TSNAX: variants seen among roughly 807,000 people sequenced by gnomAD.
TSNAX encodes translin-associated protein X.
A neutral mutation model predicts 33.0 loss-of-function variants in TSNAX; 12 were observed. That is an observed-to-expected ratio of 0.36 (90% CI 0.23 to 0.59). TSNAX has a LOEUF of 0.59. Among genes scored for constraint, TSNAX ranks in the 20% least tolerant of loss-of-function variants. The pLI is 0.74. For missense variants in TSNAX, 267 were observed against 341.3 expected (o/e 0.78, Z 1.72); for synonymous variants, 110 against 117.2 (o/e 0.94, Z 0.40).
At position 231,542,596 on chromosome 1, in the gene TSNAX, C is replaced by T. The variant is rs757155042; in HGVS notation, c.352C>T (p.Arg118Ter). 4 of 1,613,716 alleles carry T rather than the reference C, an allele frequency of 2.5e-6. No homozygotes were observed. Among genetic ancestry groups the T allele is most frequent in the South Asian group, 1.1e-5 (1 of 91,048 alleles). ...LSGEDMHQFHRAITTGLQEYV... is the reference protein window; with the variant it reads ...LSGEDMHQFH Reference sequence around the variant, plus strand: ...AGGGGAAGATATGCATCAGTTCCATCGAGCCATTACTACAGGTAAGTCTAG... The same window carrying T: ...AGGGGAAGATATGCATCAGTTCCATTGAGCCATTACTACAGGTAAGTCTAG... Residue 118 changes from arginine (R) to a stop codon, truncating the protein, a stop_gained, in exon 4 of 6, where the codon CGA (arginine) becomes TGA (stop). Transcript: ENST00000366639. LOFTEE classifies it high-confidence loss of function.
intron 4 of TSNAX, among the ~76,000 whole-genome samples, chr1:231,560,804 C>T (rs1201644741): frequency 5.3e-5 from 8 of 151,896 alleles, no homozygotes; most frequent in South Asian, 2.1e-4. Context: ...AGATTACAGG[C>T]GCCCGCCACC....
rs2124946647 is a variant in TSNAX at position 231,561,287 on chromosome 1, A to G, written c.495+32A>G. The G allele has an allele frequency of 2.1e-6, 3 of 1,419,120 alleles. 1 individual carries two copies. Among genetic ancestry groups the G allele is most frequent in the South Asian group, 2.5e-5 (2 of 80,582 alleles). The allele number at this position is 1,419,120 out of a possible 1,614,324, so 87.9% of individuals were successfully genotyped here. A position where few individuals can be genotyped will look rare whatever the true frequency, so the allele number is the denominator to read the frequency against. On this transcript the variant is annotated intron_variant, in intron 5 of 5. Transcript: ENST00000366639. Reference sequence around the variant, plus strand: ...ATTTAAAATTTATTTCACATTTGTTATATAATTTATGTAACAGTATGACGA... The same window carrying G: ...ATTTAAAATTTATTTCACATTTGTTGTATAATTTATGTAACAGTATGACGA...
At chr1:231,545,186 A>G (rs201425567) in intron 4 of TSNAX, among the ~76,000 whole-genome samples, 6 of 152,218 alleles carry the variant, frequency 3.9e-5, no homozygotes, top group Non-Finnish European at 5.9e-5. Flanking sequence ...TTGGATTAGC[A>G]TTAACAATAT....
chr1:231,537,605 G>A (rs1034713898), intron 3 of TSNAX, among the ~76,000 whole-genome samples: 1 of 152,016 alleles, frequency 6.6e-6, no homozygotes, highest in Non-Finnish European at 1.5e-5. Flanking sequence ...GGTGGGATTG[G>A]TGGTGCATGC....
chr1:231,564,088 A>G (rs144571622), intron 5 of TSNAX, among the ~76,000 whole-genome samples: 3,009 of 152,296 alleles, frequency 0.02, 123 homozygotes, highest in African/African-American at 0.069. Flanking sequence ...TGAGTGCTGA[A>G]TAGGGAAAGA....
At chr1:231,558,073 G>A (rs1660804109) in intron 4 of TSNAX, among the ~76,000 whole-genome samples, 1 of 152,090 alleles carries the variant, frequency 6.6e-6, no homozygotes, top group Admixed American at 6.6e-5. Flanking sequence ...CCCTTCACAG[G>A]ATGAGGTCCA....
intron 1 of TSNAX, 32 bp downstream of exon 1, chr1:231,528,858 A>T: frequency 6.2e-7 from 1 of 1,613,980 alleles, no homozygotes; most frequent in Non-Finnish European, 8.5e-7. Flanking sequence ...GGCGTTATTT[A>T]TCCGGAGGGG....
chr1:231,561,235 A>G lies in TSNAX; in HGVS notation c.475A>G (p.Asn159Asp). The G allele has an allele frequency of 6.5e-7, 1 of 1,538,128 alleles. No individual in the cohort carries two copies. The highest frequency in any genetic ancestry group is 8.9e-7 in the Non-Finnish European group (1 of 1,126,156). ...NKQLIFTTED[N>D]GKENKTPSSD... Reference sequence around the variant, plus strand: ...ACAATTGATATTTACGACTGAAGACAATGGGAAAGAAAATAAAACTGTGAG... The same window carrying G: ...ACAATTGATATTTACGACTGAAGACGATGGGAAAGAAAATAAAACTGTGAG... The change falls in exon 5 of 6, where the codon AAT becomes GAT. Residue 159 changes from asparagine (N) to aspartate (D), a missense_variant. Asn to Asp is a conservative substitution (Grantham distance 23). Around this residue, in one of 2 missense-constraint regions of TSNAX, gnomAD observed 200 missense variants for 214.1 expected, o/e 0.93. Transcript: ENST00000366639.
intron 2 of TSNAX, among the ~76,000 whole-genome samples, chr1:231,531,388 A>G (rs962389545): frequency 6.6e-6 from 1 of 152,232 alleles, no homozygotes; most frequent in Admixed American, 6.5e-5. Context: ...TCTCGCATGT[A>G]TTAGTAGTGA....
chr1:231,536,998 A>G (rs1398836679), intron 2 of TSNAX: 3 of 293,146 alleles, frequency 1.0e-5, no homozygotes, highest in Non-Finnish European at 1.9e-5. Context: ...ATGCCCAGCT[A>G]ATTGTTTTAT....
At chr1:231,552,363 T>C (rs1338074993) in intron 4 of TSNAX, among the ~76,000 whole-genome samples, 1 of 152,204 alleles carries the variant, frequency 6.6e-6, no homozygotes, top group Non-Finnish European at 1.5e-5. Context: ...TAGAGTTTAC[T>C]GTTGGTAGTA....
At chr1:231,544,557 C>T (rs1440558479) in intron 4 of TSNAX, among the ~76,000 whole-genome samples, 1 of 152,186 alleles carries the variant, frequency 6.6e-6, no homozygotes, top group Non-Finnish European at 1.5e-5. Context: ...TGATTAGGCT[C>T]TACTAATTGT....
intron 2 of TSNAX, among the ~76,000 whole-genome samples, chr1:231,533,818 C>A (rs899024087): frequency 1.3e-5 from 2 of 152,140 alleles, no homozygotes; most frequent in Admixed American, 6.5e-5. Context: ...GCATCATACC[C>A]CTTTACTTGT....
At position 231,528,722 on chromosome 1, in the gene TSNAX, T is replaced by G; in HGVS notation, c.-89T>G. ...TGCAAAGCGTTTTTCTGCAGGCTGT[T>G]TTCCCAGGTTCCCTCGGCCTGTACC... is the stretch of plus-strand genomic sequence containing the variant. On this transcript the variant is annotated 5_prime_UTR_variant, in exon 1 of 6. Transcript: ENST00000366639. The G allele has an allele frequency of 1.3e-6, 2 of 1,537,164 alleles. No individual in the cohort carries two copies. The highest frequency in any genetic ancestry group is 2.3e-5 in the South Asian group (2 of 88,748).
chr1:231,533,493 G>A lies in TSNAX; in HGVS notation c.122-3720G>A, dbSNP rs114226956. On this transcript the variant is annotated intron_variant, in intron 2 of 5. Coordinates refer to ENST00000366639, the MANE Select transcript of TSNAX (RefSeq NM_005999.3). The stretch of plus-strand genomic sequence containing the variant: ...CTCAAACCCAGGATCTTTAATGTCC[G>A]AGCAACCACTTTGCTATCAAAGTTG... 6.8e-3 allele frequency among the ~76,000 whole-genome samples: 1,028 copies of A among 152,252 alleles called. 10 individuals carry two copies. The highest frequency in any genetic ancestry group is 0.012 in the Non-Finnish European group (794 of 68,018).
chr1:231,556,584 C>G lies in TSNAX; in HGVS notation c.368-4544C>G, dbSNP rs142482988. 9.3e-3 allele frequency among the ~76,000 whole-genome samples: 1,419 copies of G among 152,308 alleles called. 29 individuals carry two copies. The highest frequency in any genetic ancestry group is 0.032 in the African/African-American group (1,320 of 41,576). On this transcript the variant is annotated intron_variant, in intron 4 of 5. Transcript: ENST00000366639. ...GATGGAGAGAATAACAGCCCCCTTT[C>G]CATGTAAGGCTGCTTATCCTGTTTG...
intron 4 of TSNAX, among the ~76,000 whole-genome samples, chr1:231,559,766 C>T (rs942664602): frequency 2.0e-5 from 3 of 151,360 alleles, no homozygotes; most frequent in Admixed American, 1.3e-4. Context: ...AAAATTTACT[C>T]TTCAATTCAA....
intron 4 of TSNAX, among the ~76,000 whole-genome samples, chr1:231,559,446 A>T (rs1374556051): frequency 1.3e-5 from 2 of 151,738 alleles, no homozygotes; most frequent in Admixed American, 1.3e-4. Context: ...CTCCTGCCTC[A>T]GCCTCCAAAG....
intron 4 of TSNAX, among the ~76,000 whole-genome samples, chr1:231,559,706 A>G (rs1046486728): frequency 2.0e-5 from 3 of 152,028 alleles, no homozygotes; most frequent in Admixed American, 6.5e-5. Context: ...TGCCCTTTAC[A>G]TTTATATAAA....
Sources: gnomAD v4.1 joint callset for allele counts (sites outside exome capture counted in the v4.1 genomes callset) on GRCh38, gnomAD v4.1.1 for gene constraint, gnomAD v4.1.1 regional missense constraint, MANE v1.5 for transcripts, NCBI Gene and HGNC (gene_info 2026-07-23, HGNC 2026-07-21) for gene names.